XPR1: variants seen among roughly 807,000 people sequenced by gnomAD.
XPR1 encodes xenotropic and polytropic retrovirus receptor 1, also known as solute carrier family 53 member 1.
A neutral mutation model predicts 87.5 loss-of-function variants in XPR1; 28 were observed. That is an observed-to-expected ratio of 0.32 (90% confidence interval 0.24 to 0.44). XPR1 has a LOEUF of 0.44. XPR1 is among the 20% of genes least tolerant of loss of function. The pLI is 1.00. For missense variants in XPR1, 559 were observed against 862.3 expected (o/e 0.65, Z 4.41); for synonymous variants, 300 against 306.1 (o/e 0.98, Z 0.21).
intron 14 of XPR1, among the ~76,000 whole-genome samples, 196 bp downstream of exon 14, chr1:180,880,493 A>C (rs963090149): frequency 2.0e-5 from 3 of 152,242 alleles, no homozygotes; most frequent in Admixed American, 6.5e-5. Context: ...ACATAGAGTA[A>C]ATGTCATCAG....
chr1:180,650,627 T>C (rs1385508282), intron 1 of XPR1, among the ~76,000 whole-genome samples: 1 of 152,214 alleles, frequency 6.6e-6, no homozygotes, highest in African/African-American at 2.4e-5. Context: ...ATACCTCTAG[T>C]AACAAGAGTG....
At chr1:180,752,735 G>T (rs1027412985) in intron 2 of XPR1, among the ~76,000 whole-genome samples, 1 of 152,014 alleles carries the variant, frequency 6.6e-6, no homozygotes, top group African/African-American at 2.4e-5. Context: ...TGTTTTGGTT[G>T]TACAGTAAAA....
At chr1:180,732,873 G>A (rs1221732751) in intron 2 of XPR1, among the ~76,000 whole-genome samples, 1 of 152,210 alleles carries the variant, frequency 6.6e-6, no homozygotes, top group African/African-American at 2.4e-5. Context: ...ATAAGTACAA[G>A]GTTTGATTGA....
chr1:180,732,226 G>C (rs1312865605), intron 2 of XPR1, among the ~76,000 whole-genome samples: 3 of 149,776 alleles, frequency 2.0e-5, no homozygotes, highest in South Asian at 4.2e-4. Context: ...AAAATAAAAT[G>C]CTTTCTGAAG....
chr1:180,706,867 C>T (rs190633061), intron 2 of XPR1, among the ~76,000 whole-genome samples: 1 of 152,164 alleles, frequency 6.6e-6, no homozygotes, highest in East Asian at 1.9e-4. Context: ...ATCTGCCCAC[C>T]TCGATATCCC....
intron 2 of XPR1, among the ~76,000 whole-genome samples, chr1:180,755,164 T>C (rs1647685218): frequency 6.6e-6 from 1 of 152,176 alleles, no homozygotes. Flanking sequence ...CATGTGTCGA[T>C]GTATACACAT....
chr1:180,663,754 C>A (rs1198963473), intron 1 of XPR1, among the ~76,000 whole-genome samples: 6 of 152,218 alleles, frequency 3.9e-5, no homozygotes, highest in Non-Finnish European at 8.8e-5. Context: ...AGTCCCCGGG[C>A]AGGTCCAGAG....
At chr1:180,750,914 AGTTT>A (rs988506010) in intron 2 of XPR1, among the ~76,000 whole-genome samples, 32 of 152,096 alleles carry the variant, frequency 2.1e-4, no homozygotes, top group African/African-American at 7.7e-4. Flanking sequence ...GGTCTTCTTT[AGTTT>A]GTCTTAGCAA....
intron 1 of XPR1, among the ~76,000 whole-genome samples, chr1:180,663,069 C>G (rs1164572340): frequency 6.6e-6 from 1 of 152,194 alleles, no homozygotes; most frequent in Non-Finnish European, 1.5e-5. Flanking sequence ...TTCCTCAAAA[C>G]AGCTGGTTTG....
chr1:180,701,902 G>A (rs1571741188), intron 2 of XPR1, among the ~76,000 whole-genome samples: 2 of 123,544 alleles, frequency 1.6e-5, no homozygotes, highest in Non-Finnish European at 1.7e-5. Context: ...TGGATTCATT[G>A]ATTTTTTGAA....
At chr1:180,849,853 T>C (rs1651806842) in intron 11 of XPR1, among the ~76,000 whole-genome samples, 1 of 152,174 alleles carries the variant, frequency 6.6e-6, no homozygotes, top group Admixed American at 6.5e-5. Context: ...AAGTGTTAGT[T>C]ATACTTCAGT....
At chr1:180,766,208 G>C (rs996742993) in intron 2 of XPR1, among the ~76,000 whole-genome samples, 7 of 152,132 alleles carry the variant, frequency 4.6e-5, no homozygotes, top group African/African-American at 1.7e-4. Flanking sequence ...TGAGACCAAT[G>C]AGGCAATAAT....
intron 1 of XPR1, among the ~76,000 whole-genome samples, chr1:180,676,451 C>T (rs1176111203): frequency 2.6e-5 from 4 of 152,132 alleles, no homozygotes; most frequent in African/African-American, 9.7e-5. Flanking sequence ...TTTCCTTTCT[C>T]GTTACATTTT....
At chr1:180,779,262 T>C (rs1386697994) in intron 2 of XPR1, among the ~76,000 whole-genome samples, 1 of 152,212 alleles carries the variant, frequency 6.6e-6, no homozygotes, top group Non-Finnish European at 1.5e-5. Flanking sequence ...TAGTCTATAA[T>C]TCTTTGTTTA....
intron 2 of XPR1, among the ~76,000 whole-genome samples, chr1:180,745,458 G>A (rs1002616903): frequency 1.3e-5 from 2 of 152,234 alleles, no homozygotes; most frequent in East Asian, 1.9e-4. Context: ...GTACTACTTC[G>A]CTGCTGTAAG....
chr1:180,831,075 A>C (rs1651041259), intron 9 of XPR1, among the ~76,000 whole-genome samples: 3 of 152,236 alleles, frequency 2.0e-5, no homozygotes, highest in Non-Finnish European at 4.4e-5. Context: ...GTATAATTTC[A>C]AGATGTACAC....
chr1:180,664,974 C>T (rs1655910006), intron 1 of XPR1, among the ~76,000 whole-genome samples: 1 of 152,192 alleles, frequency 6.6e-6, no homozygotes, highest in Non-Finnish European at 1.5e-5. Context: ...GGAGGTGGAG[C>T]TCAGGCAGTA....
At chr1:180,827,006 T>G (rs1650871591) in intron 9 of XPR1, among the ~76,000 whole-genome samples, 1 of 151,702 alleles carries the variant, frequency 6.6e-6, no homozygotes. Context: ...ATATAAAAAT[T>G]AGCCGAGTGA....
At chr1:180,761,694 C>A (rs1283617319) in intron 2 of XPR1, among the ~76,000 whole-genome samples, 2 of 152,070 alleles carry the variant, frequency 1.3e-5, no homozygotes, top group African/African-American at 2.4e-5. Context: ...TAGTTCAACC[C>A]TTGTGGAAGT....
Sources: gnomAD v4.1 joint callset for allele counts (sites outside exome capture counted in the v4.1 genomes callset) on GRCh38, gnomAD v4.1.1 for gene constraint, MANE v1.5 for transcripts, NCBI Gene and HGNC (gene_info 2026-07-23, HGNC 2026-07-21) for gene names.